Variants in LTN1 observed in about 807,000 individuals in gnomAD.
LTN1 encodes E3 ubiquitin-protein ligase listerin.
LTN1 carries 88 observed loss-of-function variants against 201.2 expected under a neutral mutation model. The observed-to-expected ratio is 0.44, with a 90% confidence interval of 0.37 to 0.52. The LOEUF (loss-of-function observed/expected upper bound fraction) is 0.52, where lower values mean the gene tolerates loss of function less well. Ranked by LOEUF, LTN1 falls within the 20% of genes least tolerant of loss-of-function variation. The pLI is 0.00. For synonymous variants in LTN1, 645 were observed against 713.5 expected (o/e 0.90, Z 1.53); for missense variants, 1,752 against 2,038.7 (o/e 0.86, Z 2.71).
chr21:28,958,500 C>G lies in LTN1; in HGVS notation c.2633G>C (p.Gly878Ala), dbSNP rs762825485. ...ICKLKNTWLS[G>A]VNLLVHQTDS... ...AGTTTGATGAACCAATAAATTTACA[C>G]CAGAGAGCCAAGTATTTTTCAGTTT... The change falls in exon 14 of 30, where the codon GGT (glycine) becomes GCT (alanine). Residue 878 changes from glycine (G) to alanine (A), a missense_variant. Gly to Ala is a moderately conservative substitution (Grantham distance 60, BLOSUM62 0). Around this residue, in one of 3 missense-constraint regions of LTN1, gnomAD observed 1,211 missense variants for 1,312.8 expected, o/e 0.92. Transcript: ENST00000361371. 7.5e-6 allele frequency: 12 copies of G among 1,608,556 alleles called. No homozygotes were observed. The highest frequency in any genetic ancestry group is 8.5e-7 in the Non-Finnish European group (1 of 1,177,810).
At chr21:28,957,227 A>T (rs985815002) in intron 15 of LTN1, 105 bp downstream of exon 15, 1 of 1,174,136 alleles carries the variant, frequency 8.5e-7, no homozygotes, top group Admixed American at 2.5e-5. Flanking sequence ...AGCAAAGCAA[A>T]ATACTCATTT....
intron 7 of LTN1, among the ~76,000 whole-genome samples, chr21:28,970,961 A>G (rs1172558716): frequency 6.6e-6 from 1 of 152,220 alleles, no homozygotes; most frequent in Non-Finnish European, 1.5e-5. Flanking sequence ...TTGATTAGAA[A>G]TAATTATTTA....
chr21:28,983,431 G>A (rs2084673728), intron 4 of LTN1, among the ~76,000 whole-genome samples: 1 of 152,168 alleles, frequency 6.6e-6, no homozygotes, highest in African/African-American at 2.4e-5. Context: ...TGCTACAGAT[G>A]GGTTAGAAAA....
chr21:28,990,599 GAAC>G (rs1252724896), intron 1 of LTN1, among the ~76,000 whole-genome samples: 8 of 152,130 alleles, frequency 5.3e-5, no homozygotes, highest in Non-Finnish European at 8.8e-5. Flanking sequence ...ACTTTATAAT[GAAC>G]AACACCTTAA....
intron 4 of LTN1, 27 bp from the exon 5 acceptor site, chr21:28,982,395 T>C: frequency 1.3e-6 from 2 of 1,593,960 alleles, no homozygotes; most frequent in Non-Finnish European, 8.6e-7. Flanking sequence ...TACCAAAGCC[T>C]TTGGTTTTAC....
chr21:28,977,623 T>C (rs1323521307), intron 6 of LTN1, among the ~76,000 whole-genome samples: 2 of 152,168 alleles, frequency 1.3e-5, no homozygotes, highest in Non-Finnish European at 2.9e-5. Context: ...CTCGGGAGGC[T>C]GAGGCAGGAG....
At chr21:28,943,983 G>A (rs115293115) in intron 22 of LTN1, 79 bp from the exon 23 acceptor site, 1 of 853,278 alleles carries the variant, frequency 1.2e-6, no homozygotes, top group Non-Finnish European at 1.9e-6. Flanking sequence ...ACAATCAAAT[G>A]TCATTTAAGA....
In LTN1 at chr21:28,941,545, G is replaced by A; in HGVS notation, c.4296-139C>T. 6.5e-6 allele frequency: 4 copies of A among 618,052 alleles called. No individual in the cohort carries two copies. The South Asian group carries it at 8.9e-5, about 14-fold the overall frequency. The allele number at this position is 618,052 out of a possible 1,614,324, so 38.3% of individuals were successfully genotyped here. ...CGTTTTAAAAATTCCCCTCTATTGAGCCAATTTTAACTCCTAATCTCACAT... is the reference window on the plus strand; with the variant it reads ...CGTTTTAAAAATTCCCCTCTATTGAACCAATTTTAACTCCTAATCTCACAT... On this transcript the variant is annotated intron_variant, in intron 24 of 29. Coordinates refer to ENST00000361371, the MANE Select transcript of LTN1 (RefSeq NM_015565.3).
chr21:28,982,295 C>T, intron 5 of LTN1, 21 bp downstream of exon 5: 1 of 1,596,180 alleles, frequency 6.3e-7, no homozygotes, highest in South Asian at 1.1e-5. Flanking sequence ...ACATGAGTTA[C>T]AATGAAACAA....
chr21:28,960,449 C>T, intron 12 of LTN1, 68 bp downstream of exon 12: 1 of 1,245,074 alleles, frequency 8.0e-7, no homozygotes, highest in African/African-American at 1.5e-5. Flanking sequence ...AGCTGAGCCC[C>T]ATGCAATCCC....
intron 6 of LTN1, among the ~76,000 whole-genome samples, chr21:28,980,851 G>A (rs2146313539): frequency 6.6e-6 from 1 of 152,246 alleles, no homozygotes. Flanking sequence ...AATTAAATGA[G>A]AAGAGACTTG....
Position 28,970,561 on chromosome 21 carries a change from A to T in LTN1, c.1166T>A (p.Leu389Gln). The change falls in exon 8 of 30, where the codon CTA becomes CAA. Residue 389 changes from leucine (L) to glutamine (Q), a missense_variant. By Grantham distance (113) the Leu-to-Gln change is moderately radical. Transcript: ENST00000361371. ...LDFFKNFLTS[L>Q]VAGLSTERTK... ...AATTTAAATTACTTACCCAGCAACT[A>T]GAGACGTGAGGAAATTTTTGAAGAA... 1.2e-6 allele frequency: 2 copies of T among 1,609,788 alleles called. No homozygotes were observed. The highest frequency in any genetic ancestry group is 1.7e-6 in the Non-Finnish European group (2 of 1,177,082).
Position 28,986,778 on chromosome 21 carries a change from T to C in LTN1, c.199A>G (p.Met67Val), listed in dbSNP as rs2084701656. 1 of 1,614,158 alleles carries C rather than the reference T, an allele frequency of 6.2e-7. No homozygotes were observed. The highest frequency in any genetic ancestry group is 8.5e-7 in the Non-Finnish European group (1 of 1,180,004). ...IDSLVDSDFR[M>V]VLRKLSKKDV... is the part of the protein sequence containing the mutation. ...TTCTTTGAAAGTTTCCGCAGCACCA[T>C]TCGGAAATCAGAATCTACAAGACTG... Residue 67 changes from methionine to valine, a missense_variant, in exon 2 of 30, where the codon ATG (methionine) becomes GTG (valine). By Grantham distance (21) the Met-to-Val change is conservative (BLOSUM62 1). This residue lies in a region of LTN1 where 280 missense variants were observed against 375.7 expected (regional missense o/e 0.75). Transcript: ENST00000361371. The surrounding 1 kb of genome is among the most constrained non-coding windows in gnomAD (Gnocchi z 4.1).
rs1424577291 is a variant in LTN1, at chr21:28,930,464, C to T, written c.5285G>A (p.Arg1762His). 4 of 1,612,618 alleles carry T rather than the reference C, an allele frequency of 2.5e-6. No individual in the cohort carries two copies. Among genetic ancestry groups the T allele is most frequent in the South Asian group, 1.1e-5 (1 of 90,908 alleles). The change falls in exon 30 of 30, where the codon CGT becomes CAT. Residue 1762 changes from arginine to histidine, a missense_variant. Arg to His is a conservative substitution (Grantham distance 29, BLOSUM62 0). Transcript: ENST00000361371. ...AAAAAAATCTCAGAAAAACGTCTCA[C>T]GACACAGTGGACAAGTGGATTTGTT... ...SSNKSTCPLC[R>H]ETFF
intron 3 of LTN1, among the ~76,000 whole-genome samples, chr21:28,985,852 G>T (rs1425435979): frequency 6.6e-6 from 1 of 151,704 alleles, no homozygotes; most frequent in African/African-American, 2.4e-5. Flanking sequence ...GTAGAGACAG[G>T]GTTTCACCAT....
Position 28,958,496 on chromosome 21 carries a change from T to A in LTN1, c.2637A>T (p.Val879=). Reference sequence around the variant, plus strand: ...TGTCAGTTTGATGAACCAATAAATTTACACCAGAGAGCCAAGTATTTTTCA... The same window carrying A: ...TGTCAGTTTGATGAACCAATAAATTAACACCAGAGAGCCAAGTATTTTTCA... ...CKLKNTWLSG[V]NLLVHQTDSS... The change falls in exon 14 of 30, where the codon GTA becomes GTT. Residue 879 remains valine (V), a synonymous_variant. Transcript: ENST00000361371. The A allele has an allele frequency of 6.2e-7, 1 of 1,610,832 alleles. No homozygotes were observed.
intron 11 of LTN1, 157 bp from the exon 12 acceptor site, chr21:28,960,863 C>G (rs2084472155): frequency 1.7e-6 from 1 of 580,386 alleles, no homozygotes. Flanking sequence ...CTGGTATCCT[C>G]CCTGTTCCCC....
chr21:28,985,246 G>A (rs148640582), intron 3 of LTN1, among the ~76,000 whole-genome samples: 3,672 of 152,100 alleles, frequency 0.024, 151 homozygotes, highest in African/African-American at 0.084. Flanking sequence ...GATTATTGGC[G>A]GTCAGGAGTT....
chr21:28,969,569 A>G lies in LTN1; in HGVS notation c.1208T>C (p.Leu403Ser), dbSNP rs2254796. Residue 403 changes from leucine to serine, a missense_variant, in exon 9 of 30, where the codon TTA becomes TCA. By Grantham distance (145) the Leu-to-Ser change is moderately radical. Transcript: ENST00000361371. ...AGCAGATATTACTGCCGAGGACTCT[A>G]AAGAGCTGGTTTTAGTTCTCTCTGT... is the stretch of plus-strand genomic sequence containing the variant. ...LSTERTKTSSLESSAVISAFF... is the reference protein window; with the variant it reads ...LSTERTKTSSSESSAVISAFF... 908,750 of 1,607,244 alleles carry G rather than the reference A, an allele frequency of 0.57. 262,880 individuals carry two copies. Among genetic ancestry groups the G allele is most frequent in the East Asian group, 0.82 (36,844 of 44,706 alleles).
Sources: allele counts gnomAD v4.1 joint callset (sites outside exome capture counted in the v4.1 genomes callset), GRCh38; gene constraint gnomAD v4.1.1; regional missense constraint gnomAD v4.1.1; non-coding constraint Gnocchi (gnomAD v3.1); transcripts MANE v1.5; gene names NCBI Gene and HGNC (gene_info 2026-07-23, HGNC 2026-07-21).